The following FHIT variants were observed in gnomAD, a reference collection of about 807,000 sequenced individuals.
FHIT encodes fragile histidine triad diadenosine triphosphatase.
A neutral mutation model predicts 17.9 loss-of-function variants in FHIT; 19 were observed. The ratio of observed to expected loss-of-function variants is 1.06; its 90% CI spans 0.74 to 1.56. FHIT has a LOEUF of 1.56. Among genes scored for constraint, FHIT ranks in the 40% most tolerant of loss-of-function variants. The pLI is 0.00. For synonymous variants in FHIT, 81 were observed against 69.7 expected (o/e 1.16, Z -0.81); for missense variants, 248 against 189.2 (o/e 1.31, Z -1.82).
chr3:61,036,038 C>T (rs904466089), intron 3 of FHIT, among the ~76,000 whole-genome samples: 1 of 152,206 alleles, frequency 6.6e-6, no homozygotes, highest in Non-Finnish European at 1.5e-5. Context: ...GAAGAACTAC[C>T]TGAGACTGGG....
chr3:60,211,343 A>T (rs1703445250), intron 5 of FHIT, among the ~76,000 whole-genome samples: 1 of 152,074 alleles, frequency 6.6e-6, no homozygotes. Flanking sequence ...GTAAGTATTA[A>T]AAATTTGGGG....
At chr3:60,180,384 G>C (rs1701874869) in intron 5 of FHIT, among the ~76,000 whole-genome samples, 1 of 152,160 alleles carries the variant, frequency 6.6e-6, no homozygotes, top group African/African-American at 2.4e-5. Flanking sequence ...GTTTGGGTTT[G>C]TCAGAATTAA....
intron 5 of FHIT, among the ~76,000 whole-genome samples, chr3:60,435,515 G>A (rs192931811): frequency 1.3e-5 from 2 of 152,050 alleles, no homozygotes; most frequent in Admixed American, 1.3e-4. Context: ...AGTAAACTTT[G>A]GTTACATTGG....
At chr3:61,234,190 C>A (rs1348312109) in intron 1 of FHIT, among the ~76,000 whole-genome samples, 1 of 152,040 alleles carries the variant, frequency 6.6e-6, no homozygotes, top group South Asian at 2.1e-4. Flanking sequence ...AGTGAGGATT[C>A]GAGATCCATA....
At chr3:59,875,593 T>A (rs555866356) in intron 8 of FHIT, among the ~76,000 whole-genome samples, 2 of 152,378 alleles carry the variant, frequency 1.3e-5, no homozygotes, top group African/African-American at 4.8e-5. Context: ...CATCTAGATA[T>A]CTTTGCTTAC....
At chr3:61,172,343 G>T (rs548045949) in intron 2 of FHIT, among the ~76,000 whole-genome samples, 2 of 152,262 alleles carry the variant, frequency 1.3e-5, no homozygotes, top group East Asian at 3.9e-4. Flanking sequence ...AAAAATGCAA[G>T]GGCAGCACAG....
chr3:60,754,029 CT>C (rs1252639145), intron 4 of FHIT, among the ~76,000 whole-genome samples: 1 of 152,060 alleles, frequency 6.6e-6, no homozygotes, highest in African/African-American at 2.4e-5. Context: ...AGGGCCTTTC[CT>C]TTGGGAGGAG....
At chr3:61,159,236 C>T (rs960274360) in intron 2 of FHIT, among the ~76,000 whole-genome samples, 1 of 152,056 alleles carries the variant, frequency 6.6e-6, no homozygotes, top group Non-Finnish European at 1.5e-5. Context: ...AGTTTTTTAT[C>T]CAATGAGAGA....
intron 7 of FHIT, among the ~76,000 whole-genome samples, chr3:59,953,171 CCT>C (rs575997327): frequency 2.6e-5 from 4 of 151,680 alleles, no homozygotes; most frequent in Non-Finnish European, 4.4e-5. Context: ...GTAAATCTCC[CCT>C]GTCTCTATCT....
At chr3:60,805,590 C>G (rs999859751) in intron 4 of FHIT, among the ~76,000 whole-genome samples, 1 of 151,986 alleles carries the variant, frequency 6.6e-6, no homozygotes, top group Non-Finnish European at 1.5e-5. Context: ...GAGTCTCGCT[C>G]TGTCACCCAG....
intron 5 of FHIT, among the ~76,000 whole-genome samples, chr3:60,326,641 C>G (rs1559822557): frequency 6.6e-6 from 1 of 152,128 alleles, no homozygotes; most frequent in Non-Finnish European, 1.5e-5. Context: ...GCTTCTGCCC[C>G]CTCACCCTTT....
chr3:60,118,882 G>C (rs957109173), intron 5 of FHIT, among the ~76,000 whole-genome samples: 3 of 150,274 alleles, frequency 2.0e-5, no homozygotes, highest in Non-Finnish European at 3.0e-5. Context: ...ATAGCTGGGC[G>C]TGGTGGCGGG....
At chr3:60,148,737 C>A (rs1195439940) in intron 5 of FHIT, among the ~76,000 whole-genome samples, 5 of 152,160 alleles carry the variant, frequency 3.3e-5, no homozygotes, top group Non-Finnish European at 5.9e-5. Context: ...CCTTGGGATT[C>A]TTTTAAAGCC....
chr3:60,609,537 G>A (rs977022691), intron 4 of FHIT, among the ~76,000 whole-genome samples: 1 of 152,046 alleles, frequency 6.6e-6, no homozygotes, highest in Non-Finnish European at 1.5e-5. Context: ...ATGTTGGTTA[G>A]ACTGGTCTTG....
At chr3:61,151,438 T>C (rs2037385480) in intron 2 of FHIT, among the ~76,000 whole-genome samples, 1 of 152,212 alleles carries the variant, frequency 6.6e-6, no homozygotes, top group Non-Finnish European at 1.5e-5. Flanking sequence ...CTAAGGTTAT[T>C]TCCCTCTTTT....
At chr3:60,504,061 C>A (rs566316298) in intron 5 of FHIT, among the ~76,000 whole-genome samples, 59 of 152,104 alleles carry the variant, frequency 3.9e-4, no homozygotes, top group Non-Finnish European at 5.6e-4. Context: ...CTCAAATGAC[C>A]AGAAAAAAAG....
At chr3:61,203,579 G>C (rs2039103503) in intron 1 of FHIT, among the ~76,000 whole-genome samples, 1 of 152,144 alleles carries the variant, frequency 6.6e-6, no homozygotes. Context: ...AAATTAGTAA[G>C]CATGATGGTA....
At chr3:59,957,036 T>C (rs536804076) in intron 7 of FHIT, among the ~76,000 whole-genome samples, 6 of 152,346 alleles carry the variant, frequency 3.9e-5, no homozygotes, top group African/African-American at 1.4e-4. Flanking sequence ...ACTTTGTCTG[T>C]GTTTCCTTCA....
intron 5 of FHIT, among the ~76,000 whole-genome samples, chr3:60,092,662 G>A (rs1043793050): frequency 1.3e-5 from 2 of 152,156 alleles, no homozygotes; most frequent in East Asian, 1.9e-4. Flanking sequence ...GAAATGGAAA[G>A]GAGAGTGAAA....
Sources: gnomAD v4.1 joint callset for allele counts (sites outside exome capture counted in the v4.1 genomes callset) on GRCh38, gnomAD v4.1.1 for gene constraint, MANE v1.5 for transcripts, NCBI Gene and HGNC (gene_info 2026-07-23, HGNC 2026-07-21) for gene names.